The following ERBB4 variants were observed in gnomAD, a reference collection of about 807,000 sequenced individuals.
ERBB4 encodes erb-b2 receptor tyrosine kinase 4, also known as receptor tyrosine-protein kinase erbB-4.
Under a neutral mutation model 158.0 loss-of-function variants are expected in ERBB4, and 42 were observed. The ratio of observed to expected loss-of-function variants is 0.27; its 90% confidence interval spans 0.21 to 0.34. ERBB4 has a LOEUF of 0.34. Among genes scored for constraint, ERBB4 ranks in the 10% least tolerant of loss-of-function variants. The pLI, the probability that ERBB4 is intolerant of heterozygous loss-of-function variation, is 1.00. For synonymous variants in ERBB4, 583 were observed against 558.7 expected, an observed-to-expected ratio of 1.04 and a Z score of -0.61; for missense variants, 1,333 against 1,624.1, an observed-to-expected ratio of 0.82 and a Z score of 3.08.
intron 1 of ERBB4, among the ~76,000 whole-genome samples, chr2:212,536,232 T>G (rs1321066123): frequency 6.6e-6 from 1 of 151,534 alleles, no homozygotes; most frequent in Admixed American, 6.6e-5. Flanking sequence ...GCCTCACTCA[T>G]ACCCCAGACA....
At chr2:212,080,736 G>A (rs1160589743) in intron 2 of ERBB4, among the ~76,000 whole-genome samples, 1 of 148,672 alleles carries the variant, frequency 6.7e-6, no homozygotes, top group African/African-American at 2.5e-5. Flanking sequence ...TACATTTCAA[G>A]CTTTTTAGAA....
At chr2:211,998,689 A>C (rs1207752908) in intron 2 of ERBB4, among the ~76,000 whole-genome samples, 2 of 151,932 alleles carry the variant, frequency 1.3e-5, no homozygotes, top group African/African-American at 2.4e-5. Context: ...CTCTGCAACA[A>C]ATGTCAATGG....
intron 20 of ERBB4, among the ~76,000 whole-genome samples, chr2:211,525,937 C>G (rs1349667106): frequency 2.6e-5 from 4 of 152,022 alleles, no homozygotes; most frequent in African/African-American, 7.2e-5. Flanking sequence ...AATAGACCAC[C>G]AGGTAAGCTT....
chr2:211,719,090 G>A (rs2074014935), intron 7 of ERBB4, among the ~76,000 whole-genome samples: 1 of 152,126 alleles, frequency 6.6e-6, no homozygotes, highest in Admixed American at 6.5e-5. Context: ...AAACTCCCAT[G>A]ACTTCTTGTT....
At chr2:211,719,219 G>A (rs540716939) in intron 7 of ERBB4, among the ~76,000 whole-genome samples, 3 of 152,198 alleles carry the variant, frequency 2.0e-5, no homozygotes, top group South Asian at 2.1e-4. Context: ...CTATTACCAC[G>A]ATTGCTTTGA....
At chr2:212,186,747 AT>A (rs1183133099) in intron 1 of ERBB4, among the ~76,000 whole-genome samples, 1 of 151,996 alleles carries the variant, frequency 6.6e-6, no homozygotes, top group South Asian at 2.1e-4. Flanking sequence ...GGTTTGTTTT[AT>A]TTTTTTTAAA....
intron 1 of ERBB4, among the ~76,000 whole-genome samples, chr2:212,387,590 G>A (rs1560184102): frequency 1.3e-5 from 2 of 151,748 alleles, no homozygotes; most frequent in East Asian, 1.9e-4. Flanking sequence ...GCTAATTTTT[G>A]TATTTTTAGT....
chr2:211,817,145 A>G (rs1460848975), intron 3 of ERBB4, among the ~76,000 whole-genome samples: 1 of 151,906 alleles, frequency 6.6e-6, no homozygotes, highest in African/African-American at 2.4e-5. Context: ...TCACGGGGGG[A>G]TTTTTAAGGC....
chr2:211,806,572 T>A (rs2076621478), intron 3 of ERBB4, among the ~76,000 whole-genome samples: 1 of 152,078 alleles, frequency 6.6e-6, no homozygotes, highest in Non-Finnish European at 1.5e-5. Context: ...TAAAGAGAAG[T>A]ATCACAATGC....
intron 20 of ERBB4, among the ~76,000 whole-genome samples, chr2:211,558,766 GA>G (rs201240339): frequency 1.4e-5 from 2 of 146,934 alleles, no homozygotes; most frequent in Non-Finnish European, 1.5e-5. Flanking sequence ...TCCCGAAGTA[GA>G]AAAAAAAAAT....
At chr2:212,140,005 T>A (rs2080398163) in intron 1 of ERBB4, among the ~76,000 whole-genome samples, 1 of 151,886 alleles carries the variant, frequency 6.6e-6, no homozygotes, top group Non-Finnish European at 1.5e-5. Context: ...GTTGTTACAT[T>A]CTTTGTAAAT....
intron 1 of ERBB4, among the ~76,000 whole-genome samples, chr2:212,339,263 G>GAGAACA (rs2088591942): frequency 6.6e-6 from 1 of 152,112 alleles, no homozygotes; most frequent in Non-Finnish European, 1.5e-5. Flanking sequence ...AACATGCAGT[G>GAGAACA]TTTGGCTTTC....
chr2:211,837,419 T>C (rs1439237), intron 3 of ERBB4, among the ~76,000 whole-genome samples: 32,695 of 152,020 alleles, frequency 0.22, 3,657 homozygotes, highest in South Asian at 0.33. Context: ...AAAGAAAGCA[T>C]GAGAGGCTTA....
intron 3 of ERBB4, among the ~76,000 whole-genome samples, chr2:211,937,282 GT>G (rs768055591): frequency 6.6e-6 from 1 of 151,792 alleles, no homozygotes; most frequent in African/African-American, 2.4e-5. Flanking sequence ...TTATAAAAGG[GT>G]TTTTCGTGTT....
At chr2:211,968,301 T>C (rs1330935430) in intron 2 of ERBB4, among the ~76,000 whole-genome samples, 2 of 152,008 alleles carry the variant, frequency 1.3e-5, no homozygotes, top group Non-Finnish European at 2.9e-5. Flanking sequence ...TTCATGAAAA[T>C]CATTTTTCTT....
chr2:211,519,766 T>C (rs2066139018), intron 20 of ERBB4, among the ~76,000 whole-genome samples: 1 of 152,076 alleles, frequency 6.6e-6, no homozygotes, highest in East Asian at 1.9e-4. Flanking sequence ...GAAAGACAAA[T>C]AGAAATCCAC....
At chr2:211,746,896 A>C (rs1346109925) in intron 5 of ERBB4, among the ~76,000 whole-genome samples, 2 of 151,868 alleles carry the variant, frequency 1.3e-5, no homozygotes, top group African/African-American at 2.4e-5. Flanking sequence ...TATGGAACCT[A>C]AGGACAGCAG....
chr2:212,204,874 A>G (rs2082697502), intron 1 of ERBB4, among the ~76,000 whole-genome samples: 1 of 144,290 alleles, frequency 6.9e-6, no homozygotes, highest in Non-Finnish European at 1.5e-5. Flanking sequence ...GCTGAAGTGC[A>G]ATGGCATGAT....
chr2:212,174,954 C>G (rs2081617023), intron 1 of ERBB4, among the ~76,000 whole-genome samples: 1 of 152,054 alleles, frequency 6.6e-6, no homozygotes, highest in Non-Finnish European at 1.5e-5. Flanking sequence ...TCCCAAACTA[C>G]AGTTATATCA....
Sources: allele counts gnomAD v4.1 joint callset (sites outside exome capture counted in the v4.1 genomes callset), GRCh38; gene constraint gnomAD v4.1.1; transcripts MANE v1.5; gene names NCBI Gene and HGNC (gene_info 2026-07-23, HGNC 2026-07-21).